Variants in ASTN2 observed in about 807,000 individuals in gnomAD.
ASTN2 encodes astrotactin 2, also known as astrotactin-2.
ASTN2 carries 54 observed loss-of-function variants against 139.8 expected under a neutral mutation model. That is an observed-to-expected ratio of 0.39 (90% CI 0.31 to 0.48). ASTN2 has a LOEUF of 0.48. ASTN2 is among the 20% of genes least tolerant of loss of function. The pLI, the probability that ASTN2 is intolerant of heterozygous loss-of-function variation, is 0.95. For missense variants in ASTN2, 1,565 were observed against 1,725.1 expected (o/e 0.91, Z 1.64); for synonymous variants, 756 against 719.5 (o/e 1.05, Z -0.81).
chr9:116,530,947 C>T lies in ASTN2; in HGVS notation c.3356-43447G>A, dbSNP rs191855731. ...GACAGAGCATGACATGCAACTGGCA[C>T]TAAATACATATTTATTAAATAAATG... On this transcript the variant is annotated intron_variant, in intron 19 of 22. Coordinates refer to ENST00000313400, the MANE Select transcript of ASTN2 (RefSeq NM_001365068.1). Among the ~76,000 whole-genome samples, 952 of 152,020 alleles carry T rather than the reference C, an allele frequency of 6.3e-3. 6 individuals are homozygous for T. Among genetic ancestry groups the T allele is most frequent in the South Asian group, 0.031 (151 of 4,818 alleles).
chr9:117,363,533 G>A (rs1035536764), intron 1 of ASTN2, among the ~76,000 whole-genome samples: 7 of 152,124 alleles, frequency 4.6e-5, no homozygotes, highest in South Asian at 2.1e-4. Context: ...ACAAGCACCC[G>A]TGATTGCAGT....
At chr9:116,915,586 G>A (rs186098767) in intron 10 of ASTN2, among the ~76,000 whole-genome samples, 1 of 152,244 alleles carries the variant, frequency 6.6e-6, no homozygotes, top group African/African-American at 2.4e-5. Flanking sequence ...AAGAGGAGCT[G>A]GAGAGTTAAT....
chr9:116,500,077 G>A (rs1849803013), intron 19 of ASTN2, among the ~76,000 whole-genome samples: 1 of 152,014 alleles, frequency 6.6e-6, no homozygotes, highest in Non-Finnish European at 1.5e-5. Flanking sequence ...GCTTATTGAT[G>A]CCTGACGAAC....
At chr9:116,802,142 G>A (rs1278514400) in intron 13 of ASTN2, among the ~76,000 whole-genome samples, 6 of 141,534 alleles carry the variant, frequency 4.2e-5, no homozygotes, top group Non-Finnish European at 9.0e-5. Context: ...AGGCTGGAGT[G>A]CAGTACCACT....
chr9:117,333,819 A>G (rs1828791605), intron 1 of ASTN2, among the ~76,000 whole-genome samples: 1 of 152,110 alleles, frequency 6.6e-6, no homozygotes, highest in Non-Finnish European at 1.5e-5. Context: ...CCCATTTTAA[A>G]CATAAGATAA....
At chr9:117,298,602 T>C (rs999098654) in intron 1 of ASTN2, among the ~76,000 whole-genome samples, 1 of 151,442 alleles carries the variant, frequency 6.6e-6, no homozygotes, top group African/African-American at 2.4e-5. Context: ...ATTTGTTATA[T>C]ATTACTTCAT....
chr9:117,123,802 C>G (rs1317239764), intron 4 of ASTN2, among the ~76,000 whole-genome samples: 2 of 152,108 alleles, frequency 1.3e-5, no homozygotes, highest in African/African-American at 4.8e-5. Context: ...TCTCCAAGGT[C>G]AGTTTGTTTA....
intron 19 of ASTN2, among the ~76,000 whole-genome samples, chr9:116,519,963 T>C (rs1850800303): frequency 6.6e-6 from 1 of 152,158 alleles, no homozygotes; most frequent in Non-Finnish European, 1.5e-5. Flanking sequence ...CAGGAAAAGA[T>C]AGAATCTCTG....
At chr9:116,483,620 T>C (rs1849243432) in intron 20 of ASTN2, among the ~76,000 whole-genome samples, 3 of 151,924 alleles carry the variant, frequency 2.0e-5, no homozygotes. Flanking sequence ...CAGGAAGTCA[T>C]ATAGAAAATA....
At chr9:116,946,063 A>C (rs12554633) in intron 10 of ASTN2, among the ~76,000 whole-genome samples, 63,034 of 152,090 alleles carry the variant, frequency 0.41, 15,117 homozygotes, top group Non-Finnish European at 0.54. Flanking sequence ...AAATAATCAG[A>C]TCTCTTGAGA....
intron 1 of ASTN2, among the ~76,000 whole-genome samples, chr9:117,381,114 T>G (rs761661908): frequency 1.3e-5 from 2 of 152,170 alleles, no homozygotes; most frequent in Non-Finnish European, 2.9e-5. Flanking sequence ...TTGAAAACAT[T>G]TCTAGGTGAA....
intron 10 of ASTN2, among the ~76,000 whole-genome samples, chr9:116,867,965 G>A (rs748873433): frequency 2.6e-5 from 4 of 152,182 alleles, no homozygotes; most frequent in African/African-American, 9.7e-5. Context: ...GCGGAGCCCA[G>A]GGTTTAGGGT....
intron 4 of ASTN2, among the ~76,000 whole-genome samples, chr9:117,113,547 T>G (rs900009952): frequency 6.6e-6 from 1 of 152,018 alleles, no homozygotes; most frequent in African/African-American, 2.4e-5. Context: ...TCCTAGCTAC[T>G]AGGGAGGCTG....
chr9:117,262,228 A>G (rs1833839271), intron 2 of ASTN2, among the ~76,000 whole-genome samples: 1 of 152,042 alleles, frequency 6.6e-6, no homozygotes, highest in African/African-American at 2.4e-5. Context: ...CCACACCATT[A>G]CCATCACATG....
chr9:116,745,450 C>A (rs1440995526), intron 13 of ASTN2, among the ~76,000 whole-genome samples: 1 of 152,172 alleles, frequency 6.6e-6, no homozygotes, highest in East Asian at 1.9e-4. Flanking sequence ...TCACTGAGTC[C>A]CTTCTTTGGA....
intron 13 of ASTN2, among the ~76,000 whole-genome samples, chr9:116,766,562 T>C (rs1829814645): frequency 1.3e-5 from 2 of 151,210 alleles, no homozygotes; most frequent in African/African-American, 2.4e-5. Context: ...TTCATACTAA[T>C]CACATGCATT....
chr9:117,142,416 C>T (rs1282952868), intron 3 of ASTN2, among the ~76,000 whole-genome samples: 1 of 152,142 alleles, frequency 6.6e-6, no homozygotes, highest in African/African-American at 2.4e-5. Context: ...GGAGACACAA[C>T]CACAGTACTG....
chr9:117,151,094 C>T (rs547575671), intron 3 of ASTN2, among the ~76,000 whole-genome samples: 90 of 152,136 alleles, frequency 5.9e-4, no homozygotes, highest in Non-Finnish European at 1.0e-3. Flanking sequence ...AACCCCTTGG[C>T]TCAAGGGGTC....
intron 7 of ASTN2, among the ~76,000 whole-genome samples, chr9:117,004,408 C>T (rs1047263478): frequency 2.0e-5 from 3 of 152,068 alleles, no homozygotes; most frequent in Admixed American, 6.6e-5. Flanking sequence ...TGTGAGGCAT[C>T]GCACCTGGCC....
Sources: gnomAD v4.1 joint callset for allele counts (sites outside exome capture counted in the v4.1 genomes callset) on GRCh38, gnomAD v4.1.1 for gene constraint, MANE v1.5 for transcripts, NCBI Gene and HGNC (gene_info 2026-07-23, HGNC 2026-07-21) for gene names.